GRM7: variants seen among roughly 807,000 people sequenced by gnomAD.
GRM7 encodes glutamate metabotropic receptor 7.
In GRM7, 35 loss-of-function variants were observed where a neutral mutation model predicts 84.5. That is an observed-to-expected ratio of 0.41 (90% CI 0.32 to 0.55). The LOEUF (loss-of-function observed/expected upper bound fraction) is 0.55. Among genes scored for constraint, GRM7 ranks in the 20% least tolerant of loss-of-function variants. The pLI, the probability that GRM7 is intolerant of heterozygous loss-of-function variation, is 0.19. For missense variants in GRM7, 1,003 were observed against 1,194.6 expected (o/e 0.84, Z 2.36); for synonymous variants, 487 against 455.1 (o/e 1.07, Z -0.89).
In GRM7 at chr3:7,374,032, C is replaced by T. The variant is rs182825095; in HGVS notation, c.1034-40991C>T. On this transcript the variant is annotated intron_variant, in intron 4 of 9. Transcript: ENST00000357716. ...TTCCATGGGAGAGGCAGCATAGTGT[C>T]GTGGAAATCCAACCTCTCCCATTAT... Among the ~76,000 whole-genome samples, 82 of 152,180 alleles carry T rather than the reference C, an allele frequency of 5.4e-4. 2 individuals are homozygous for T. The East Asian group carries it at 0.01, about 19-fold the overall frequency.
intron 8 of GRM7, among the ~76,000 whole-genome samples, chr3:7,675,316 C>G (rs1350767499): frequency 6.6e-6 from 1 of 152,178 alleles, no homozygotes; most frequent in Non-Finnish European, 1.5e-5. Context: ...CAACTATTAA[C>G]AGCTTTCCTT....
At chr3:7,227,758 C>A (rs1697029832) in intron 2 of GRM7, among the ~76,000 whole-genome samples, 1 of 152,150 alleles carries the variant, frequency 6.6e-6, no homozygotes, top group Non-Finnish European at 1.5e-5. Flanking sequence ...TAGAACCAAA[C>A]TGTGAGAGGA....
At chr3:7,240,290 GC>G (rs2124919353) in intron 2 of GRM7, among the ~76,000 whole-genome samples, 1 of 151,668 alleles carries the variant, frequency 6.6e-6, no homozygotes, top group South Asian at 2.1e-4. Context: ...TACAGGGCTT[GC>G]ATGGACTTGT....
At chr3:7,028,676 C>T (rs1323922207) in intron 1 of GRM7, among the ~76,000 whole-genome samples, 1 of 152,124 alleles carries the variant, frequency 6.6e-6, no homozygotes, top group Non-Finnish European at 1.5e-5. Context: ...TGTGAGTTTA[C>T]TACATAAATA....
chr3:7,620,490 G>C (rs1697306891), intron 8 of GRM7, among the ~76,000 whole-genome samples: 1 of 152,124 alleles, frequency 6.6e-6, no homozygotes, highest in Admixed American at 6.6e-5. Flanking sequence ...CAGAAAGAAA[G>C]CTACACTGAG....
chr3:7,602,649 C>A (rs1216716368), intron 8 of GRM7, among the ~76,000 whole-genome samples: 1 of 152,142 alleles, frequency 6.6e-6, no homozygotes, highest in African/African-American at 2.4e-5. Flanking sequence ...GAATAGAAAT[C>A]TTTCTTTATG....
At position 7,309,889 on chromosome 3, in the gene GRM7, C is replaced by A. The variant is rs190015475; in HGVS notation, c.1033+3237C>A. 1.9e-3 allele frequency among the ~76,000 whole-genome samples: 288 copies of A among 152,298 alleles called. 3 individuals carry two copies. The highest frequency in any genetic ancestry group is 6.8e-3 in the Middle Eastern group (2 of 294). Reference sequence around the variant, plus strand: ...TCTGGGGAATGTCTCTAGAACTTGGCAGCACTCCTCCAGCTCCTGAGCCAA... The same window carrying A: ...TCTGGGGAATGTCTCTAGAACTTGGAAGCACTCCTCCAGCTCCTGAGCCAA... On this transcript the variant is annotated intron_variant, in intron 4 of 9. Transcript: ENST00000357716.
At chr3:7,097,726 A>AGGTC (rs1403235032) in intron 1 of GRM7, among the ~76,000 whole-genome samples, 1 of 152,166 alleles carries the variant, frequency 6.6e-6, no homozygotes, top group African/African-American at 2.4e-5. Flanking sequence ...CTTCGCTGTG[A>AGGTC]GGTCACCAGA....
chr3:7,711,671 G>A (rs954999677), intron 9 of GRM7, among the ~76,000 whole-genome samples: 3 of 152,160 alleles, frequency 2.0e-5, no homozygotes, highest in African/African-American at 4.8e-5. Flanking sequence ...ATCAACCACC[G>A]ATCTTGGGCC....
chr3:7,102,866 T>G (rs1205864685), intron 1 of GRM7, among the ~76,000 whole-genome samples: 1 of 151,806 alleles, frequency 6.6e-6, no homozygotes, highest in East Asian at 1.9e-4. Flanking sequence ...ATATTGGTTT[T>G]GTTTTGTTTT....
intron 1 of GRM7, among the ~76,000 whole-genome samples, chr3:7,087,509 C>T (rs1452305736): frequency 6.6e-6 from 1 of 151,748 alleles, no homozygotes; most frequent in Non-Finnish European, 1.5e-5. Flanking sequence ...ACTTTCAGGA[C>T]CGAGGGACTT....
At chr3:7,303,004 G>A (rs6774227) in intron 3 of GRM7, among the ~76,000 whole-genome samples, 5,029 of 147,456 alleles carry the variant, frequency 0.034, 278 homozygotes, top group African/African-American at 0.12. Context: ...GCAGTGGCGC[G>A]ATCTCAGCTC....
At chr3:7,109,921 T>A (rs1428029356) in intron 1 of GRM7, among the ~76,000 whole-genome samples, 2 of 152,146 alleles carry the variant, frequency 1.3e-5, no homozygotes, top group African/African-American at 4.8e-5. Context: ...TTTTATATGT[T>A]TGAATCTTGT....
intron 1 of GRM7, among the ~76,000 whole-genome samples, chr3:7,042,883 A>G (rs1696679600): frequency 6.6e-6 from 1 of 152,064 alleles, no homozygotes; most frequent in South Asian, 2.1e-4. Flanking sequence ...TTGATTACTG[A>G]AGATTTTTAT....
intron 1 of GRM7, among the ~76,000 whole-genome samples, chr3:6,923,266 C>T (rs777628099): frequency 9.2e-5 from 14 of 152,012 alleles, no homozygotes; most frequent in Non-Finnish European, 2.1e-4. Flanking sequence ...CCACCTGCCT[C>T]GGTCTCCCAA....
chr3:7,709,563 C>G lies in GRM7; in HGVS notation c.2698+29268C>G, dbSNP rs115940110. Among the ~76,000 whole-genome samples, 923 of 152,240 alleles carry G rather than the reference C, an allele frequency of 6.1e-3. 11 individuals are homozygous for G. The highest frequency in any genetic ancestry group is 0.02 in the Middle Eastern group (6 of 294). On this transcript the variant is annotated intron_variant, in intron 9 of 9. Transcript: ENST00000357716. ...AGAGAGTGAGGGGATGTGGGTGGCT[C>G]AGTGGGCTCCTCCTCTCTGTGTCAA...
intron 8 of GRM7, among the ~76,000 whole-genome samples, chr3:7,623,947 G>A (rs1559446634): frequency 6.6e-6 from 1 of 152,054 alleles, no homozygotes; most frequent in African/African-American, 2.4e-5. Flanking sequence ...CAAGAACCTG[G>A]CTAGCATTCC....
intron 2 of GRM7, among the ~76,000 whole-genome samples, chr3:7,191,235 T>G (rs185555004): frequency 3.1e-4 from 47 of 152,260 alleles, no homozygotes; most frequent in Middle Eastern, 3.4e-3. Flanking sequence ...TCCTTTGTAA[T>G]AACTGTGAAT....
intron 2 of GRM7, among the ~76,000 whole-genome samples, chr3:7,194,107 GA>G (rs893418850): frequency 4.0e-5 from 6 of 151,672 alleles, no homozygotes; most frequent in South Asian, 2.1e-4. Context: ...CCATTAATTA[GA>G]AAAAAAATAT....
Sources: allele counts gnomAD v4.1 joint callset (sites outside exome capture counted in the v4.1 genomes callset), GRCh38; gene constraint gnomAD v4.1.1; transcripts MANE v1.5; gene names NCBI Gene and HGNC (gene_info 2026-07-23, HGNC 2026-07-21).